The following IPPK variants were observed in gnomAD, a reference collection of about 807,000 sequenced individuals.
IPPK encodes the protein inositol-pentakisphosphate 2-kinase, also known as IPK1 homolog.
Under a neutral mutation model 64.6 loss-of-function variants are expected in IPPK, and 22 were observed. That is an observed-to-expected ratio of 0.34 (90% CI 0.24 to 0.49). The LOEUF (loss-of-function observed/expected upper bound fraction) is 0.49, where lower values mean the gene tolerates loss of function less well. Among genes scored for constraint, IPPK ranks in the 20% least tolerant of loss-of-function variants. IPPK has a pLI of 0.99. For synonymous variants in IPPK, 262 were observed against 247.2 expected, an observed-to-expected ratio of 1.06 and a Z score of -0.56; for missense variants, 532 against 630.7, an observed-to-expected ratio of 0.84 and a Z score of 1.68.
rs374868394 is a variant in IPPK at position 92,649,585 on chromosome 9, G to A, written c.293-11C>T. ...TGTCACAGCGAGACTCTGGAAAACA[G>A]AGCAAGGGTCACACAGAGCAAGGTC... On this transcript the variant is annotated splice_polypyrimidine_tract_variant and intron_variant, in intron 4 of 12. Coordinates refer to ENST00000287996, the MANE Select transcript of IPPK (RefSeq NM_022755.6). The A allele has an allele frequency of 6.8e-6, 11 of 1,613,648 alleles. No homozygotes were observed. Among genetic ancestry groups the A allele is most frequent in the Non-Finnish European group, 9.3e-6 (11 of 1,179,848 alleles).
At chr9:92,645,676 A>C (rs867589404) in intron 6 of IPPK, among the ~76,000 whole-genome samples, 8 of 152,232 alleles carry the variant, frequency 5.3e-5, no homozygotes, top group Non-Finnish European at 8.8e-5. Flanking sequence ...TTTCATTAGA[A>C]ACCATGGAGG....
At chr9:92,637,736 C>T (rs909781408) in intron 9 of IPPK, among the ~76,000 whole-genome samples, 1 of 152,222 alleles carries the variant, frequency 6.6e-6, no homozygotes, top group African/African-American at 2.4e-5. Flanking sequence ...CAGAGAGGAC[C>T]ACAACATATG....
intron 11 of IPPK, among the ~76,000 whole-genome samples, chr9:92,631,008 G>A (rs1039604225): frequency 6.6e-6 from 1 of 152,044 alleles, no homozygotes; most frequent in African/African-American, 2.4e-5. Context: ...TTTCTCCATG[G>A]CTCCTTTTGA....
intron 2 of IPPK, among the ~76,000 whole-genome samples, chr9:92,657,689 G>A (rs892646607): frequency 6.6e-6 from 1 of 152,198 alleles, no homozygotes; most frequent in African/African-American, 2.4e-5. Context: ...GGCAGAAACC[G>A]CAAGACAGTG....
Position 92,665,760 on chromosome 9 carries a change from C to T in IPPK, c.81+4148G>A, listed in dbSNP as rs1852582562. 2.0e-5 allele frequency among the ~76,000 whole-genome samples: 3 copies of T among 152,182 alleles called. No individual in the cohort carries two copies. The South Asian group carries it at 6.2e-4, about 32-fold the overall frequency. On this transcript the variant is annotated intron_variant, in intron 1 of 12. Coordinates refer to ENST00000287996, the MANE Select transcript of IPPK (RefSeq NM_022755.6). ...TCCTCATATAAAGGACTTAATTCAT[C>T]CACTACAAAATAATCATTTAAATTA... is the stretch of plus-strand genomic sequence containing the variant.
chr9:92,670,009 C>A lies in IPPK; in HGVS notation c.-21G>T. On this transcript the variant is annotated 5_prime_UTR_variant, in exon 1 of 13. Coordinates refer to ENST00000287996, the MANE Select transcript of IPPK (RefSeq NM_022755.6). ...TCCATGCCCAGGCGCAGCCCTGGCGCCTCGCGGGCTAGGACTCGGGGACGC... is the reference window on the plus strand; with the variant it reads ...TCCATGCCCAGGCGCAGCCCTGGCGACTCGCGGGCTAGGACTCGGGGACGC... 3.8e-6 allele frequency: 6 copies of A among 1,589,796 alleles called. No homozygotes were observed. Among genetic ancestry groups the A allele is most frequent in the Non-Finnish European group, 5.2e-6 (6 of 1,163,964 alleles).
At chr9:92,619,163 GCTTT>G (rs201070591) in intron 12 of IPPK, 4,839 of 278,582 alleles carry the variant, frequency 0.017, 73 homozygotes, top group Non-Finnish European at 0.024. Context: ...TCAGGGGCTG[GCTTT>G]CTTTGAGGGA....
In IPPK at chr9:92,640,764, G is replaced by C. The variant is rs565897402; in HGVS notation, c.582C>G (p.His194Gln). ...CCTGCAGCAAACTCTTCAAGGCAAA[G>C]TGCATTCTCTGTTTGTTTCTAAAAG... The part of the protein sequence containing the change: ...DLYSGNKQRM[H>Q]FALKSLLQEA... Residue 194 changes from histidine (H) to glutamine (Q), a missense_variant, in exon 8 of 13, where the codon CAC becomes CAG. Physicochemically the swap from His to Gln is conservative, Grantham distance 24. Transcript: ENST00000287996. 2 of 1,612,204 alleles carry C rather than the reference G, an allele frequency of 1.2e-6. No homozygotes were observed. The highest frequency in any genetic ancestry group is 1.7e-6 in the Non-Finnish European group (2 of 1,178,268).
intron 9 of IPPK, 142 bp downstream of exon 9, chr9:92,637,859 G>A (rs557743767): frequency 1.1e-4 from 94 of 846,302 alleles, no homozygotes; most frequent in African/African-American, 8.0e-4. Context: ...GCGAGGCCCC[G>A]TGCTGGGAGC....
intron 12 of IPPK, chr9:92,618,598 A>C (rs747826823): frequency 1.5e-5 from 7 of 456,334 alleles, no homozygotes; most frequent in Non-Finnish European, 3.1e-5. Context: ...AATCCAGTTA[A>C]GGAATTCCTC....
chr9:92,653,209 G>C (rs1391571760), intron 3 of IPPK, among the ~76,000 whole-genome samples: 1 of 152,162 alleles, frequency 6.6e-6, no homozygotes, highest in Non-Finnish European at 1.5e-5. Flanking sequence ...CCAAATGAAA[G>C]GTTTTTATTT....
chr9:92,651,033 T>C (rs886892390), intron 4 of IPPK, among the ~76,000 whole-genome samples: 6 of 152,224 alleles, frequency 3.9e-5, no homozygotes, highest in East Asian at 1.9e-4. Flanking sequence ...AGCAGAGCAG[T>C]TGCAGACAGC....
At chr9:92,661,545 A>G (rs1225749410) in intron 1 of IPPK, among the ~76,000 whole-genome samples, 1 of 152,042 alleles carries the variant, frequency 6.6e-6, no homozygotes, top group African/African-American at 2.4e-5. Flanking sequence ...CTCCACCACC[A>G]CATCCAAACA....
chr9:92,661,287 C>A (rs1178434577), intron 1 of IPPK, among the ~76,000 whole-genome samples: 2 of 152,224 alleles, frequency 1.3e-5, no homozygotes, highest in Non-Finnish European at 2.9e-5. Flanking sequence ...AGATCAAGGT[C>A]TTGACCCCAA....
chr9:92,662,472 G>A (rs1399171562), intron 1 of IPPK, among the ~76,000 whole-genome samples: 2 of 151,786 alleles, frequency 1.3e-5, no homozygotes, highest in Non-Finnish European at 2.9e-5. Flanking sequence ...GCGGTGAGCC[G>A]AGATTGTACC....
intron 11 of IPPK, among the ~76,000 whole-genome samples, chr9:92,625,849 T>C (rs1010140360): frequency 3.9e-5 from 6 of 152,158 alleles, no homozygotes; most frequent in Admixed American, 2.6e-4. Flanking sequence ...TTCCTATAGA[T>C]TAAGATCAAA....
In IPPK at chr9:92,619,511, G is replaced by C; in HGVS notation, c.1225C>G (p.Leu409Val). 5 of 1,593,130 alleles carry C rather than the reference G, an allele frequency of 3.1e-6. No homozygotes were observed. The highest frequency in any genetic ancestry group is 4.3e-6 in the Non-Finnish European group (5 of 1,170,208). Reference protein sequence around the residue: ...TAKDCSIMIALSPCLQDASSD... With the variant: ...TAKDCSIMIAVSPCLQDASSD... ...CTGGCATCCTGCAGACAGGGAGACAGTGCAATCATGATGGAGCAGTCCTTG... is the reference window on the plus strand; with the variant it reads ...CTGGCATCCTGCAGACAGGGAGACACTGCAATCATGATGGAGCAGTCCTTG... The change falls in exon 12 of 13, where the codon CTG becomes GTG. Residue 409 changes from leucine to valine, a missense_variant. Leu to Val is a conservative substitution (Grantham distance 32). Coordinates refer to ENST00000287996, the MANE Select transcript of IPPK (RefSeq NM_022755.6).
intron 12 of IPPK, chr9:92,616,815 G>C (rs1851453885): frequency 6.6e-6 from 1 of 152,288 alleles, no homozygotes; most frequent in Admixed American, 6.5e-5. Context: ...TCAGCGCACA[G>C]CACTCAAGAC....
intron 11 of IPPK, among the ~76,000 whole-genome samples, chr9:92,624,411 A>G (rs1385368782): frequency 1.3e-5 from 2 of 151,950 alleles, no homozygotes; most frequent in East Asian, 3.9e-4. Flanking sequence ...GTGAGCCAAG[A>G]TCGCACCACT....
Sources: allele counts gnomAD v4.1 joint callset (sites outside exome capture counted in the v4.1 genomes callset), GRCh38; gene constraint gnomAD v4.1.1; transcripts MANE v1.5; gene names NCBI Gene and HGNC (gene_info 2026-07-23, HGNC 2026-07-21).